The following GPHN variants were observed in gnomAD, a reference collection of about 807,000 sequenced individuals.
The protein encoded by GPHN is gephyrin.
In GPHN, 17 loss-of-function variants were observed where a neutral mutation model predicts 95.5. That is an observed-to-expected ratio of 0.18 (90% CI 0.12 to 0.27). The LOEUF is 0.27. GPHN is among the 10% of genes least tolerant of loss of function. The probability of loss-of-function intolerance (pLI) is 1.00; values close to 1 mark genes in which losing one functional copy is unlikely to be tolerated. For missense variants in GPHN, 660 were observed against 978.1 expected (o/e 0.67, Z 4.34); for synonymous variants, 320 against 322.5 (o/e 0.99, Z 0.08).
intron 11 of GPHN, among the ~76,000 whole-genome samples, chr14:67,070,218 C>T (rs2076226806): frequency 6.6e-6 from 1 of 151,544 alleles, no homozygotes; most frequent in South Asian, 2.1e-4. Context: ...CTTTATACTC[C>T]CTGCATTCTT....
At chr14:66,851,537 C>A (rs989463534) in intron 4 of GPHN, among the ~76,000 whole-genome samples, 1 of 152,090 alleles carries the variant, frequency 6.6e-6, no homozygotes, top group African/African-American at 2.4e-5. Flanking sequence ...ATTCTCATAA[C>A]TATATTGTAT....
chr14:67,445,997 G>A, the GPHN span: 1 of 507,156 alleles, frequency 2.0e-6, no homozygotes, highest in Admixed American at 2.0e-5. Context: ...AAAAAATAGG[G>A]CTTCCCAGGA....
the GPHN span, among the ~76,000 whole-genome samples, chr14:67,430,399 G>A: frequency 6.6e-6 from 1 of 152,204 alleles, no homozygotes; most frequent in African/African-American, 2.4e-5. Context: ...GCAAGCCTGT[G>A]CCGGACCCAC....
the GPHN span, among the ~76,000 whole-genome samples, chr14:67,497,984 C>G: frequency 2.0e-5 from 3 of 152,248 alleles, no homozygotes; most frequent in African/African-American, 4.8e-5. Context: ...CTCAAGGTCT[C>G]TCTGACCTTC....
At chr14:67,718,795 T>C in the GPHN span, among the ~76,000 whole-genome samples, 4 of 152,206 alleles carry the variant, frequency 2.6e-5, no homozygotes, top group African/African-American at 7.2e-5. Context: ...AAGTGGGTGA[T>C]GATTATGGCT....
intron 4 of GPHN, among the ~76,000 whole-genome samples, chr14:66,842,940 T>C (rs554163215): frequency 2.5e-4 from 38 of 152,286 alleles, no homozygotes; most frequent in Non-Finnish European, 4.9e-4. Context: ...TTGTGGATTC[T>C]CATTTGCAGT....
chr14:67,095,757 C>T (rs931873270), intron 12 of GPHN, among the ~76,000 whole-genome samples: 13 of 151,684 alleles, frequency 8.6e-5, no homozygotes, highest in African/African-American at 2.7e-4. Context: ...GGAAGGGGAA[C>T]ATCACACTCT....
the GPHN span, chr14:67,352,591 G>C: frequency 5.2e-6 from 1 of 191,068 alleles, no homozygotes; most frequent in Non-Finnish European, 1.1e-5. Context: ...AACAGCTAAA[G>C]GAGCCAGTTA....
chr14:66,928,347 T>C (rs1482316529), intron 8 of GPHN, among the ~76,000 whole-genome samples: 1 of 152,222 alleles, frequency 6.6e-6, no homozygotes, highest in Non-Finnish European at 1.5e-5. Context: ...AATGATACTT[T>C]GAATTTTTGT....
At chr14:67,107,820 T>G (rs2078134223) in intron 13 of GPHN, among the ~76,000 whole-genome samples, 2 of 152,136 alleles carry the variant, frequency 1.3e-5, no homozygotes, top group South Asian at 4.1e-4. Flanking sequence ...CAGCTCAGAC[T>G]CTAAGGGGCT....
the GPHN span, chr14:67,349,193 C>T: frequency 1.6e-6 from 2 of 1,242,986 alleles, no homozygotes; most frequent in Non-Finnish European, 1.1e-6. Flanking sequence ...TTAAATGAGA[C>T]CAAGAGTGAG....
At chr14:67,496,406 T>TTTTTG in the GPHN span, among the ~76,000 whole-genome samples, 1 of 130,350 alleles carries the variant, frequency 7.7e-6, no homozygotes, top group Non-Finnish European at 1.6e-5. Context: ...TTTTTTTTTT[T>TTTTTG]TTTTTTTTTT....
intron 9 of GPHN, among the ~76,000 whole-genome samples, chr14:67,010,763 C>T (rs1594807203): frequency 2.0e-5 from 3 of 151,892 alleles, no homozygotes; most frequent in East Asian, 3.9e-4. Context: ...GATAACTGAG[C>T]GATGCAAGAC....
the GPHN span, among the ~76,000 whole-genome samples, chr14:67,618,552 T>A: frequency 1.4e-3 from 218 of 151,422 alleles, 1 homozygote; most frequent in African/African-American, 4.9e-3. Context: ...TTTTTTTTTT[T>A]AAATTTCTGG....
At chr14:67,190,997 G>T in the GPHN span, among the ~76,000 whole-genome samples, 1 of 152,336 alleles carries the variant, frequency 6.6e-6, no homozygotes, top group Admixed American at 6.5e-5. Flanking sequence ...ACTTTGGGAG[G>T]CTGAGGCAGG....
chr14:67,199,636 A>C, the GPHN span: 113 of 1,579,686 alleles, frequency 7.2e-5, no homozygotes, highest in Non-Finnish European at 9.5e-5. Flanking sequence ...TAGCAGCTGG[A>C]CGACTTCTGG....
chr14:67,292,795 C>A, the GPHN span: 1 of 1,066,056 alleles, frequency 9.4e-7, no homozygotes, highest in Non-Finnish European at 1.4e-6. Context: ...TTGGAAAATA[C>A]TAATGTGACT....
chr14:67,262,704 C>A, the GPHN span, among the ~76,000 whole-genome samples: 1 of 152,116 alleles, frequency 6.6e-6, no homozygotes, highest in Non-Finnish European at 1.5e-5. Flanking sequence ...AACCTTTAGT[C>A]TCCCATTATT....
chr14:66,606,086 G>T (rs1444203116), intron 1 of GPHN, among the ~76,000 whole-genome samples: 1 of 152,078 alleles, frequency 6.6e-6, no homozygotes, highest in Non-Finnish European at 1.5e-5. Context: ...GTCAAGAAGT[G>T]CATTTCCTAG....
Sources: allele counts gnomAD v4.1 joint callset (sites outside exome capture counted in the v4.1 genomes callset), GRCh38; gene constraint gnomAD v4.1.1; transcripts MANE v1.5; gene names NCBI Gene and HGNC (gene_info 2026-07-23, HGNC 2026-07-21).